ANKRD36C: variants seen among roughly 807,000 people sequenced by gnomAD.
ANKRD36C encodes the protein ankyrin repeat domain-containing protein 36C.
Under a neutral mutation model 276.4 loss-of-function variants are expected in ANKRD36C, and 61 were observed. The ratio of observed to expected loss-of-function variants is 0.22; its 90% confidence interval spans 0.18 to 0.27. The LOEUF is 0.27. Among genes scored for constraint, ANKRD36C ranks in the 10% least tolerant of loss-of-function variants. ANKRD36C has a pLI of 1.00. For missense variants in ANKRD36C, 1,447 were observed against 2,032.3 expected (o/e 0.71, Z 5.54); for synonymous variants, 483 against 680.1 (o/e 0.71, Z 4.51).
intron 6 of ANKRD36C, among the ~76,000 whole-genome samples, chr2:95,969,833 T>A (rs1487434471): frequency 6.6e-6 from 1 of 152,164 alleles, no homozygotes; most frequent in African/African-American, 2.4e-5. Flanking sequence ...TATTACAGTA[T>A]ATTGTTACAA....
intron 59 of ANKRD36C, among the ~76,000 whole-genome samples, chr2:95,874,193 G>A (rs936090944): frequency 6.6e-6 from 1 of 152,070 alleles, no homozygotes; most frequent in Non-Finnish European, 1.5e-5. Flanking sequence ...AAGTTCATAT[G>A]GAACCAAAAA....
chr2:95,968,096 G>GA (rs1004513760), intron 6 of ANKRD36C, among the ~76,000 whole-genome samples: 2 of 150,030 alleles, frequency 1.3e-5, no homozygotes, highest in Admixed American at 6.6e-5. Context: ...CATCTCAAAA[G>GA]AAAAAAAAAT....
intron 6 of ANKRD36C, among the ~76,000 whole-genome samples, chr2:95,971,265 C>T (rs1473381310): frequency 7.2e-6 from 1 of 138,048 alleles, no homozygotes; most frequent in African/African-American, 2.5e-5. Flanking sequence ...ATTTATTATA[C>T]ATTTGTCCAG....
At chr2:95,991,568 T>C (rs764258366) in exon 1 of ANKRD36C, 6 of 1,613,616 alleles carry the variant, frequency 3.7e-6, no homozygotes, top group Admixed American at 3.3e-5. Context: ...CGAACTTCAG[T>C]TCCTCCAGAT....
At chr2:95,958,464 T>G in intron 12 of ANKRD36C, 127 bp downstream of exon 12, 1 of 1,265,026 alleles carries the variant, frequency 7.9e-7, no homozygotes. Flanking sequence ...TTATTACAAA[T>G]GCAGAATCTC....
chr2:95,891,597 T>G (rs1014850447), intron 46 of ANKRD36C, 68 bp downstream of exon 66: 1 of 1,503,422 alleles, frequency 6.7e-7, no homozygotes, highest in African/African-American at 1.4e-5. Context: ...CCCCGCTGAT[T>G]TATTCAGGGA....
exon 47 of ANKRD36C, chr2:95,889,974 C>G: frequency 6.2e-7 from 1 of 1,609,828 alleles, no homozygotes; most frequent in Non-Finnish European, 8.5e-7. Context: ...ACCTTCAAGG[C>G]TGGTTGTTTA....
chr2:95,895,673 C>T lies in ANKRD36C; in HGVS notation c.2755+3472G>A, dbSNP rs955030973. 4 of 1,554,652 alleles carry T rather than the reference C, an allele frequency of 2.6e-6. No homozygotes were observed. The African/African-American group carries it at 5.5e-5, about 21-fold the overall frequency. On this transcript the variant is annotated intron_variant, in intron 44 of 66. Transcript: ENST00000456556. Reference sequence around the variant, plus strand: ...ACATTCACACAGTGTTAGCATCAACCTCTGTCCTCCTGCCTGTATTAGTGG... The same window carrying T: ...ACATTCACACAGTGTTAGCATCAACTTCTGTCCTCCTGCCTGTATTAGTGG...
intron 1 of ANKRD36C, among the ~76,000 whole-genome samples, chr2:95,990,079 T>C (rs1269319660): frequency 6.6e-6 from 1 of 152,230 alleles, no homozygotes; most frequent in Non-Finnish European, 1.5e-5. Flanking sequence ...AATGTGTGCT[T>C]GTGATATTTG....
At chr2:95,895,076 CCTCT>C (rs1228710730) in intron 44 of ANKRD36C, among the ~76,000 whole-genome samples, 4 of 144,716 alleles carry the variant, frequency 2.8e-5, no homozygotes, top group Non-Finnish European at 6.1e-5. Flanking sequence ...ATCTGTACTT[CCTCT>C]CTTTCTCCTT....
intron 14 of ANKRD36C, among the ~76,000 whole-genome samples, chr2:95,952,238 A>G (rs1171255832): frequency 3.3e-5 from 5 of 151,448 alleles, no homozygotes; most frequent in Admixed American, 6.5e-5. Context: ...TTCATAATAT[A>G]TGCCTAATAA....
At chr2:95,935,356 T>C (rs1350973853) in intron 24 of ANKRD36C, 98 bp downstream of exon 24, 4 of 1,195,436 alleles carry the variant, frequency 3.3e-6, no homozygotes, top group South Asian at 3.1e-5. Context: ...AATCCTTCTA[T>C]CTTACTGGGG....
intron 48 of ANKRD36C, 65 bp downstream of exon 68, chr2:95,889,734 T>G (rs1676289023): frequency 6.6e-7 from 1 of 1,519,982 alleles, no homozygotes; most frequent in Non-Finnish European, 8.9e-7. Context: ...CGCTGCTTTA[T>G]TTGGTGAAGA....
intron 58 of ANKRD36C, among the ~76,000 whole-genome samples, chr2:95,880,106 G>GA (rs1356384151): frequency 2.8e-5 from 4 of 144,972 alleles, no homozygotes; most frequent in Non-Finnish European, 6.1e-5. Flanking sequence ...CTTGAACCAG[G>GA]AAGGTGGAGG....
chr2:95,943,398 T>C (rs1477546584), intron 19 of ANKRD36C, among the ~76,000 whole-genome samples: 2 of 150,572 alleles, frequency 1.3e-5, no homozygotes, highest in Non-Finnish European at 3.0e-5. Flanking sequence ...GGCAGGAGAA[T>C]GGCGTGAACC....
intron 59 of ANKRD36C, among the ~76,000 whole-genome samples, chr2:95,874,085 T>C (rs993166465): frequency 1.1e-4 from 16 of 151,876 alleles, no homozygotes; most frequent in Non-Finnish European, 2.2e-4. Flanking sequence ...ATCAGTATGG[T>C]TAAAATGGCC....
chr2:95,981,215 A>T (rs1456169579), intron 4 of ANKRD36C, among the ~76,000 whole-genome samples: 1 of 151,778 alleles, frequency 6.6e-6, no homozygotes, highest in Non-Finnish European at 1.5e-5. Flanking sequence ...TAGTAGTCGT[A>T]GCTTCAGTTA....
At chr2:95,920,307 A>C (rs946895815) in intron 34 of ANKRD36C, among the ~76,000 whole-genome samples, 2 of 132,404 alleles carry the variant, frequency 1.5e-5, no homozygotes, top group African/African-American at 5.3e-5. Context: ...GCAACAAATC[A>C]AAAGAATTTA....
At chr2:95,970,606 C>CA (rs1241218782) in intron 6 of ANKRD36C, among the ~76,000 whole-genome samples, 4 of 152,074 alleles carry the variant, frequency 2.6e-5, no homozygotes, top group Non-Finnish European at 5.9e-5. Flanking sequence ...TTTATGTAAA[C>CA]AAAAATAGTA....
Sources: allele counts gnomAD v4.1 joint callset (sites outside exome capture counted in the v4.1 genomes callset), GRCh38; gene constraint gnomAD v4.1.1; transcripts MANE v1.5; gene names NCBI Gene and HGNC (gene_info 2026-07-23, HGNC 2026-07-21).